ELAPOR2: variants seen among roughly 807,000 people sequenced by gnomAD.
ELAPOR2 encodes the protein endosome/lysosome-associated apoptosis and autophagy regulator family member 2.
In ELAPOR2, 89 loss-of-function variants were observed where a neutral mutation model predicts 120.7. The observed-to-expected ratio is 0.74, with a 90% CI of 0.62 to 0.88. The LOEUF is 0.88. ELAPOR2 is among the 40% of genes least tolerant of loss of function. The probability of loss-of-function intolerance (pLI) is 0.00; values close to 1 mark genes in which losing one functional copy is unlikely to be tolerated. For missense variants in ELAPOR2, 1,134 were observed against 1,251.6 expected (o/e 0.91, Z 1.42); for synonymous variants, 444 against 444.9 (o/e 1.00, Z 0.03).
chr7:86,912,491 G>T (rs1584340965), intron 14 of ELAPOR2, among the ~76,000 whole-genome samples: 1 of 151,972 alleles, frequency 6.6e-6, no homozygotes, highest in South Asian at 2.1e-4. Context: ...TTGTAGAAAG[G>T]TATTTTAAGA....
At chr7:87,043,549 C>A (rs1215482065) in intron 1 of ELAPOR2, among the ~76,000 whole-genome samples, 2 of 149,008 alleles carry the variant, frequency 1.3e-5, no homozygotes, top group Non-Finnish European at 3.0e-5. Context: ...AAGCCTTTGA[C>A]AAAATTCAAC....
chr7:86,921,259 G>A (rs917169931), intron 10 of ELAPOR2, among the ~76,000 whole-genome samples: 1 of 152,064 alleles, frequency 6.6e-6, no homozygotes, highest in African/African-American at 2.4e-5. Context: ...AGACTCTATA[G>A]ATATAATCAA....
At chr7:87,023,251 A>C (rs1314786679) in intron 1 of ELAPOR2, among the ~76,000 whole-genome samples, 1 of 152,230 alleles carries the variant, frequency 6.6e-6, no homozygotes, top group East Asian at 1.9e-4. Flanking sequence ...ATAAGGTGTA[A>C]GGAAAGGATC....
intron 1 of ELAPOR2, among the ~76,000 whole-genome samples, chr7:87,054,803 C>T (rs1795213169): frequency 6.6e-6 from 1 of 152,218 alleles, no homozygotes; most frequent in Non-Finnish European, 1.5e-5. Flanking sequence ...TGGTGCTGAG[C>T]ACCAGTGACC....
chr7:87,059,613 G>A lies in ELAPOR2; in HGVS notation c.-100C>T, dbSNP rs562398113. On this transcript the variant is annotated 5_prime_UTR_variant, in exon 1 of 22. Transcript: ENST00000450689. ...GCCGCGACTGCTGTGCGCTCGTCTC[G>A]CCGCTCCGTCACCCGCTGCCCGTCC... The A allele has an allele frequency of 3.3e-5, 36 of 1,097,240 alleles. No individual in the cohort carries two copies. Among genetic ancestry groups the A allele is most frequent in the Admixed American group, 2.5e-4 (5 of 19,812 alleles). The allele number at this position is 1,097,240 out of a possible 1,614,324, so 68.0% of individuals were successfully genotyped here.
intron 1 of ELAPOR2, among the ~76,000 whole-genome samples, chr7:86,988,833 GCA>G (rs1456631699): frequency 9.2e-5 from 14 of 152,078 alleles, no homozygotes; most frequent in African/African-American, 2.9e-4. Context: ...GCCTTAAACT[GCA>G]CACAACTGAT....
chr7:86,897,475 C>T (rs781220917), intron 19 of ELAPOR2, 31 bp downstream of exon 19: 41 of 1,601,370 alleles, frequency 2.6e-5, no homozygotes, highest in Non-Finnish European at 3.4e-5. Context: ...ACTATAATGC[C>T]GAAGCTCTGC....
intron 12 of ELAPOR2, among the ~76,000 whole-genome samples, chr7:86,915,123 G>GT (rs887528726): frequency 2.2e-4 from 34 of 151,664 alleles, no homozygotes; most frequent in African/African-American, 7.5e-4. Flanking sequence ...AAGGGTTGGG[G>GT]TTTTTTTTGT....
At chr7:86,931,628 G>T (rs950337662) in intron 8 of ELAPOR2, among the ~76,000 whole-genome samples, 2 of 151,028 alleles carry the variant, frequency 1.3e-5, no homozygotes, top group Admixed American at 6.6e-5. Flanking sequence ...TTCAACAGAC[G>T]TTTCACTACC....
chr7:86,886,665 C>A (rs1262640141), intron 21 of ELAPOR2, among the ~76,000 whole-genome samples: 1 of 152,086 alleles, frequency 6.6e-6, no homozygotes, highest in East Asian at 1.9e-4. Context: ...GCTGAATAAG[C>A]CTCACTTGTC....
intron 2 of ELAPOR2, among the ~76,000 whole-genome samples, chr7:86,956,795 A>G (rs554091504): frequency 1.3e-5 from 2 of 152,328 alleles, no homozygotes; most frequent in Admixed American, 1.3e-4. Flanking sequence ...GAAAAAAGAC[A>G]ATAGTGAAGG....
intron 1 of ELAPOR2, among the ~76,000 whole-genome samples, chr7:87,005,165 C>G (rs751269587): frequency 8.6e-5 from 13 of 151,902 alleles, no homozygotes; most frequent in Admixed American, 6.6e-5. Flanking sequence ...CACAGTGAGA[C>G]AGTTTATAAT....
intron 1 of ELAPOR2, among the ~76,000 whole-genome samples, chr7:87,037,610 C>T (rs1002793478): frequency 6.6e-6 from 1 of 152,162 alleles, no homozygotes; most frequent in Admixed American, 6.5e-5. Flanking sequence ...GATCTTCCTG[C>T]GTCCAATGTG....
At chr7:87,054,798 C>T (rs1795212733) in intron 1 of ELAPOR2, among the ~76,000 whole-genome samples, 1 of 152,222 alleles carries the variant, frequency 6.6e-6, no homozygotes, top group African/African-American at 2.4e-5. Context: ...CACTCTGGTG[C>T]TGAGCACCAG....
intron 8 of ELAPOR2, among the ~76,000 whole-genome samples, chr7:86,932,901 T>C (rs1417144523): frequency 1.3e-5 from 2 of 151,814 alleles, no homozygotes; most frequent in Non-Finnish European, 2.9e-5. Context: ...TTTGAGCTCA[T>C]TGTTCAAACA....
chr7:86,883,229 A>G (rs1799507361), intron 21 of ELAPOR2, among the ~76,000 whole-genome samples: 2 of 152,320 alleles, frequency 1.3e-5, no homozygotes, highest in South Asian at 4.1e-4. Context: ...AATTGCTGAG[A>G]AAAGTCAAGA....
chr7:86,954,069 C>T (rs990357749), intron 2 of ELAPOR2, among the ~76,000 whole-genome samples: 18 of 152,056 alleles, frequency 1.2e-4, no homozygotes, highest in Admixed American at 3.3e-4. Flanking sequence ...TATATTAGTC[C>T]GTCCCCAAGT....
At chr7:87,011,151 C>T (rs1352521597) in intron 1 of ELAPOR2, among the ~76,000 whole-genome samples, 2 of 150,394 alleles carry the variant, frequency 1.3e-5, no homozygotes, top group African/African-American at 4.9e-5. Context: ...GCCTGTAGTC[C>T]CAGCTACTCG....
chr7:86,978,332 C>A (rs1792350264), intron 1 of ELAPOR2, among the ~76,000 whole-genome samples: 1 of 152,142 alleles, frequency 6.6e-6, no homozygotes, highest in Non-Finnish European at 1.5e-5. Context: ...TCAGATATTT[C>A]TTCATAGCAA....
Sources: allele counts gnomAD v4.1 joint callset (sites outside exome capture counted in the v4.1 genomes callset), GRCh38; gene constraint gnomAD v4.1.1; transcripts MANE v1.5; gene names NCBI Gene and HGNC (gene_info 2026-07-23, HGNC 2026-07-21).